The following MGAT4A variants were observed in gnomAD, a reference collection of about 807,000 sequenced individuals.
The protein encoded by MGAT4A is alpha-1,3-mannosyl-glycoprotein 4-beta-N-acetylglucosaminyltransferase A.
In MGAT4A, 33 loss-of-function variants were observed where a neutral mutation model predicts 74.1. The observed-to-expected ratio is 0.45, with a 90% CI of 0.34 to 0.60. The LOEUF is 0.60. Among genes scored for constraint, MGAT4A ranks in the 20% least tolerant of loss-of-function variants. The pLI, the probability that MGAT4A is intolerant of heterozygous loss-of-function variation, is 0.02. For missense variants in MGAT4A, 479 were observed against 628.3 expected, an observed-to-expected ratio of 0.76 and a Z score of 2.54; for synonymous variants, 198 against 210.4, an observed-to-expected ratio of 0.94 and a Z score of 0.51.
rs184237781 is a variant in MGAT4A, at chr2:98,687,401, C to G, written c.95-8930G>C. 1.4e-3 allele frequency among the ~76,000 whole-genome samples: 212 copies of G among 152,204 alleles called. 1 individual carries two copies. The highest frequency in any genetic ancestry group is 4.8e-3 in the African/African-American group (201 of 41,518). On this transcript the variant is annotated intron_variant, in intron 2 of 15. Transcript: ENST00000393487. ...AAAAAGCAGGGTACTGATAATTAAC[C>G]AGTCACACACTATGGAGTAGCTCTA...
intron 4 of MGAT4A, among the ~76,000 whole-genome samples, chr2:98,664,857 T>G (rs1036683057): frequency 3.3e-5 from 5 of 152,232 alleles, no homozygotes; most frequent in African/African-American, 1.2e-4. Flanking sequence ...CAGTGATTTT[T>G]AGGAACACTT....
chr2:98,721,428 G>T (rs2104335653), intron 2 of MGAT4A, among the ~76,000 whole-genome samples: 1 of 152,192 alleles, frequency 6.6e-6, no homozygotes, highest in African/African-American at 2.4e-5. Flanking sequence ...AAAGTCAATG[G>T]TATAAAATAT....
At position 98,624,427 on chromosome 2, in the gene MGAT4A, T is replaced by C. The variant is rs372255416; in HGVS notation, c.*1139A>G. On this transcript the variant is annotated 3_prime_UTR_variant, in exon 16 of 16. Transcript: ENST00000393487. ...GAATAGCGTGTTTAAGAGTAATAAA[T>C]ACAGTCTCTTGGACACGGGACTCAC... 3.1e-6 allele frequency: 3 copies of C among 964,044 alleles called. No individual in the cohort carries two copies. The highest frequency in any genetic ancestry group is 3.5e-5 in the African/African-American group (2 of 56,714). 59.7% of individuals were successfully genotyped at this position (964,044 alleles called of 1,614,324 possible). A position where few individuals can be genotyped will look rare whatever the true frequency, so the allele number is the denominator to read the frequency against.
intron 10 of MGAT4A, among the ~76,000 whole-genome samples, chr2:98,643,012 T>C (rs901270586): frequency 1.3e-4 from 20 of 152,220 alleles, no homozygotes; most frequent in African/African-American, 4.3e-4. Context: ...GTCAACTCTA[T>C]AATGACATGT....
chr2:98,621,367 T>C lies in MGAT4A; in HGVS notation c.*4199A>G. ...CTGCAGTTCCCAGCTCCTTTGCTGT[T>C]AGCCAAGGCCTCTCTCAGCTCCTCA... On this transcript the variant is annotated 3_prime_UTR_variant, in exon 16 of 16. Coordinates refer to ENST00000393487, the MANE Select transcript of MGAT4A (RefSeq NM_012214.3). The C allele has an allele frequency of 1.3e-6, 2 of 1,534,898 alleles. No homozygotes were observed. The highest frequency in any genetic ancestry group is 1.8e-6 in the Non-Finnish European group (2 of 1,137,870).
At chr2:98,707,136 A>C (rs1279687716) in intron 2 of MGAT4A, among the ~76,000 whole-genome samples, 1 of 152,072 alleles carries the variant, frequency 6.6e-6, no homozygotes, top group Non-Finnish European at 1.5e-5. Flanking sequence ...AATCACTTGA[A>C]CCTGGGAGGC....
intron 2 of MGAT4A, among the ~76,000 whole-genome samples, chr2:98,690,250 G>A (rs1702177373): frequency 6.6e-6 from 1 of 152,212 alleles, no homozygotes; most frequent in Admixed American, 6.5e-5. Flanking sequence ...AGGAAAGACT[G>A]AGTGAGGGAG....
At chr2:98,703,483 A>G (rs944164903) in intron 2 of MGAT4A, among the ~76,000 whole-genome samples, 6 of 152,168 alleles carry the variant, frequency 3.9e-5, no homozygotes, top group Admixed American at 6.5e-5. Context: ...AATATATGAA[A>G]AAGTAATGAC....
At position 98,678,249 on chromosome 2, in the gene MGAT4A, A is replaced by AATATAT. The variant is rs1553538281; in HGVS notation, c.262+49_262+54dup. The AATATAT allele has an allele frequency of 1.4e-3, 358 of 263,498 alleles. 1 individual carries two copies. The highest frequency in any genetic ancestry group is 3.7e-3 in the Middle Eastern group (2 of 534). The allele number at this position is 263,498 out of a possible 1,614,324, so 16.3% of individuals were successfully genotyped here. ...TGTCTCAAAGAAAAAAAAAAAAAAAAATATATATATATATATATAAAATCT... is the reference window on the plus strand; with the variant it reads ...TGTCTCAAAGAAAAAAAAAAAAAAAAATATATATATATATATATATATATAAAATCT... On this transcript the variant is annotated intron_variant, in intron 3 of 15. Transcript: ENST00000393487.
chr2:98,621,329 C>G lies in MGAT4A; in HGVS notation c.*4237G>C. On this transcript the variant is annotated 3_prime_UTR_variant, in exon 16 of 16. Coordinates refer to ENST00000393487, the MANE Select transcript of MGAT4A (RefSeq NM_012214.3). ...GAGCTTATGGGCTGAATTCAGTTCC[C>G]GTGGCTGTAGGACTGCAGTTCCCAG... The G allele has an allele frequency of 6.8e-7, 1 of 1,468,352 alleles. No homozygotes were observed. The allele number at this position is 1,468,352 out of a possible 1,614,324, so 91.0% of individuals were successfully genotyped here.
intron 14 of MGAT4A, among the ~76,000 whole-genome samples, chr2:98,627,084 T>C (rs961422763): frequency 1.3e-5 from 2 of 152,194 alleles, no homozygotes; most frequent in East Asian, 1.9e-4. Flanking sequence ...TTTTGAGATA[T>C]GGAAATTTCT....
chr2:98,641,258 C>T (rs1289673141), intron 10 of MGAT4A, among the ~76,000 whole-genome samples: 1 of 152,100 alleles, frequency 6.6e-6, no homozygotes, highest in Non-Finnish European at 1.5e-5. Flanking sequence ...CGGTGGCTCA[C>T]GCCTGCAATA....
At chr2:98,631,357 T>G (rs7560357) in intron 14 of MGAT4A, among the ~76,000 whole-genome samples, 27,035 of 152,124 alleles carry the variant, frequency 0.18, 2,598 homozygotes, top group Middle Eastern at 0.24. Context: ...GTAGAGAAGG[T>G]CATGAGCCCT....
At chr2:98,648,251 C>G (rs1436185231) in intron 8 of MGAT4A, among the ~76,000 whole-genome samples, 1 of 152,188 alleles carries the variant, frequency 6.6e-6, no homozygotes, top group East Asian at 1.9e-4. Flanking sequence ...GTAATCCCAG[C>G]ACTTTGTGAG....
At chr2:98,707,788 C>G (rs1358579342) in intron 2 of MGAT4A, among the ~76,000 whole-genome samples, 1 of 152,132 alleles carries the variant, frequency 6.6e-6, no homozygotes, top group African/African-American at 2.4e-5. Context: ...CCCTGCCTGT[C>G]CCTTCTGAGA....
intron 14 of MGAT4A, among the ~76,000 whole-genome samples, chr2:98,626,635 A>C (rs1256705031): frequency 6.6e-6 from 1 of 152,222 alleles, no homozygotes; most frequent in Non-Finnish European, 1.5e-5. Context: ...GGAAGAGAGA[A>C]AACAAATTTT....
intron 5 of MGAT4A, among the ~76,000 whole-genome samples, chr2:98,661,802 C>T (rs1281858574): frequency 2.0e-5 from 3 of 152,180 alleles, no homozygotes; most frequent in Non-Finnish European, 2.9e-5. Flanking sequence ...CAAGCCTCAC[C>T]TCGATTATGG....
At chr2:98,633,667 G>T (rs1433426242) in intron 14 of MGAT4A, among the ~76,000 whole-genome samples, 1 of 152,150 alleles carries the variant, frequency 6.6e-6, no homozygotes, top group Non-Finnish European at 1.5e-5. Flanking sequence ...TGATGCAGAA[G>T]TTCACTTCTC....
chr2:98,670,232 C>T (rs112339866), intron 4 of MGAT4A, among the ~76,000 whole-genome samples: 25 of 152,210 alleles, frequency 1.6e-4, no homozygotes, highest in Admixed American at 1.2e-3. Flanking sequence ...ACAGAGCCAA[C>T]GGGTTGGGCT....
Sources: allele counts gnomAD v4.1 joint callset (sites outside exome capture counted in the v4.1 genomes callset), GRCh38; gene constraint gnomAD v4.1.1; transcripts MANE v1.5; gene names NCBI Gene and HGNC (gene_info 2026-07-23, HGNC 2026-07-21).